The following NEGR1 variants were observed in gnomAD, a reference collection of about 807,000 sequenced individuals.
The protein encoded by NEGR1 is neuronal growth regulator 1, also known as IgLON family member 4.
A neutral mutation model predicts 40.9 loss-of-function variants in NEGR1; 10 were observed. That is an observed-to-expected ratio of 0.24 (90% CI 0.15 to 0.42). NEGR1 has a LOEUF of 0.42. Among genes scored for constraint, NEGR1 ranks in the 10% least tolerant of loss-of-function variants. NEGR1 has a pLI of 1.00. For synonymous variants in NEGR1, 185 were observed against 166.8 expected (o/e 1.11, Z -0.84); for missense variants, 352 against 438.9 (o/e 0.80, Z 1.77).
intron 2 of NEGR1, among the ~76,000 whole-genome samples, chr1:71,783,176 T>A (rs1656778001): frequency 6.6e-6 from 1 of 152,152 alleles, no homozygotes; most frequent in South Asian, 2.1e-4. Context: ...TAGACGTAAC[T>A]ATAAATCTTG....
chr1:71,676,659 C>T (rs1288165440), intron 4 of NEGR1, among the ~76,000 whole-genome samples: 2 of 152,164 alleles, frequency 1.3e-5, no homozygotes, highest in Admixed American at 1.3e-4. Flanking sequence ...CTCAATGTAA[C>T]CCACAGGGTG....
intron 6 of NEGR1, among the ~76,000 whole-genome samples, chr1:71,412,903 T>A (rs1238305726): frequency 6.6e-6 from 1 of 152,186 alleles, no homozygotes; most frequent in Non-Finnish European, 1.5e-5. Context: ...AAATAGAGTA[T>A]GTAAGGGAGA....
At chr1:71,976,824 A>C (rs1055963418) in intron 1 of NEGR1, among the ~76,000 whole-genome samples, 2 of 152,182 alleles carry the variant, frequency 1.3e-5, no homozygotes, top group Admixed American at 6.5e-5. Context: ...CAAGAAAAAA[A>C]CAGTGTATTT....
intron 1 of NEGR1, among the ~76,000 whole-genome samples, chr1:72,171,882 T>C (rs1369991330): frequency 6.6e-6 from 1 of 152,152 alleles, no homozygotes; most frequent in South Asian, 2.1e-4. Flanking sequence ...CAACTAAACA[T>C]TTTTTTCTCA....
chr1:72,112,665 TC>T (rs1467276503), intron 1 of NEGR1, among the ~76,000 whole-genome samples: 4 of 146,660 alleles, frequency 2.7e-5, no homozygotes, highest in African/African-American at 9.8e-5. Flanking sequence ...AAAGATAATT[TC>T]CCTAGACTGG....
chr1:72,108,547 TAATAA>T (rs1037294618), intron 1 of NEGR1, among the ~76,000 whole-genome samples: 1 of 151,644 alleles, frequency 6.6e-6, no homozygotes, highest in Admixed American at 6.6e-5. Context: ...CTATTTATAT[TAATAA>T]AATAAATATA....
intron 4 of NEGR1, among the ~76,000 whole-genome samples, chr1:71,678,826 T>C (rs1488415092): frequency 6.6e-6 from 1 of 152,086 alleles, no homozygotes; most frequent in East Asian, 1.9e-4. Context: ...GAACTGAAAG[T>C]ACCTTTGTGA....
At chr1:72,127,909 AAAAC>A (rs760946394) in intron 1 of NEGR1, among the ~76,000 whole-genome samples, 4 of 152,204 alleles carry the variant, frequency 2.6e-5, no homozygotes, top group African/African-American at 7.2e-5. Flanking sequence ...TGGAAAAAAC[AAAAC>A]AAACAAAAAA....
intron 6 of NEGR1, among the ~76,000 whole-genome samples, chr1:71,459,491 T>C (rs1457372392): frequency 6.6e-6 from 1 of 152,228 alleles, no homozygotes; most frequent in Non-Finnish European, 1.5e-5. Context: ...TTAAATCCCC[T>C]GATGATCTAG....
intron 1 of NEGR1, among the ~76,000 whole-genome samples, chr1:72,167,447 A>G (rs528434613): frequency 1.9e-4 from 29 of 152,266 alleles, no homozygotes; most frequent in African/African-American, 6.3e-4. Flanking sequence ...CTAAGTAAAT[A>G]TAACTTTTAT....
At chr1:71,688,789 A>G (rs1350630051) in intron 4 of NEGR1, among the ~76,000 whole-genome samples, 1 of 152,254 alleles carries the variant, frequency 6.6e-6, no homozygotes, top group African/African-American at 2.4e-5. Context: ...CTACTTTCTG[A>G]TACTATTGAT....
intron 2 of NEGR1, among the ~76,000 whole-genome samples, chr1:71,922,290 C>A (rs1248862986): frequency 6.6e-6 from 1 of 152,100 alleles, no homozygotes; most frequent in East Asian, 1.9e-4. Flanking sequence ...CACTCTCTTG[C>A]CAGTATCTCC....
At chr1:71,825,237 T>A (rs889651509) in intron 2 of NEGR1, among the ~76,000 whole-genome samples, 1 of 152,004 alleles carries the variant, frequency 6.6e-6, no homozygotes, top group Non-Finnish European at 1.5e-5. Context: ...TCTAGATGGC[T>A]AATGAGGTAG....
intron 1 of NEGR1, among the ~76,000 whole-genome samples, chr1:72,242,423 T>TA (rs1654775836): frequency 6.6e-6 from 1 of 151,614 alleles, no homozygotes; most frequent in Non-Finnish European, 1.5e-5. Context: ...GCAGAGACCA[T>TA]ATCTACCCTG....
At chr1:71,960,171 C>A in intron 1 of NEGR1, among the ~76,000 whole-genome samples, 1 of 152,094 alleles carries the variant, frequency 6.6e-6, no homozygotes, top group East Asian at 1.9e-4. Flanking sequence ...AAAACATTTA[C>A]AAACATAGCC....
At chr1:71,963,030 T>C (rs1386466427) in intron 1 of NEGR1, among the ~76,000 whole-genome samples, 3 of 152,158 alleles carry the variant, frequency 2.0e-5, no homozygotes, top group Non-Finnish European at 4.4e-5. Flanking sequence ...AATTGTTTTC[T>C]ATGTTTTGTA....
intron 1 of NEGR1, among the ~76,000 whole-genome samples, chr1:72,036,027 G>A (rs1646898723): frequency 6.6e-6 from 1 of 152,118 alleles, no homozygotes; most frequent in Non-Finnish European, 1.5e-5. Context: ...CATTATAGTT[G>A]AAATGTGTAC....
intron 1 of NEGR1, among the ~76,000 whole-genome samples, chr1:72,208,104 G>A (rs1653475537): frequency 6.6e-6 from 1 of 151,604 alleles, no homozygotes; most frequent in East Asian, 1.9e-4. Flanking sequence ...CCTGTCATCT[G>A]GGCATATAGT....
At chr1:72,137,615 G>A (rs1650519317) in intron 1 of NEGR1, among the ~76,000 whole-genome samples, 1 of 151,984 alleles carries the variant, frequency 6.6e-6, no homozygotes, top group Non-Finnish European at 1.5e-5. Context: ...GATAGCATTA[G>A]GAGAAATATC....
Sources: gnomAD v4.1 joint callset for allele counts (sites outside exome capture counted in the v4.1 genomes callset) on GRCh38, gnomAD v4.1.1 for gene constraint, MANE v1.5 for transcripts, NCBI Gene and HGNC (gene_info 2026-07-23, HGNC 2026-07-21) for gene names.